PRKG1: variants seen among roughly 807,000 people sequenced by gnomAD.
PRKG1 encodes cGMP-dependent protein kinase 1.
PRKG1 carries 35 observed loss-of-function variants against 88.1 expected under a neutral mutation model. That is an observed-to-expected ratio of 0.40 (90% CI 0.30 to 0.53). The LOEUF (loss-of-function observed/expected upper bound fraction) is 0.53. PRKG1 is among the 20% of genes least tolerant of loss of function. The pLI, the probability that PRKG1 is intolerant of heterozygous loss-of-function variation, is 0.59. For synonymous variants in PRKG1, 303 were observed against 292.5 expected, an observed-to-expected ratio of 1.04 and a Z score of -0.37; for missense variants, 540 against 839.8, an observed-to-expected ratio of 0.64 and a Z score of 4.41.
chr10:52,260,223 G>T (rs2132414365), intron 10 of PRKG1, among the ~76,000 whole-genome samples: 1 of 152,150 alleles, frequency 6.6e-6, no homozygotes, highest in African/African-American at 2.4e-5. Flanking sequence ...TGGATGAATT[G>T]TATCGTTAGC....
chr10:51,275,300 C>T (rs765015062), intron 2 of PRKG1, among the ~76,000 whole-genome samples: 2 of 152,238 alleles, frequency 1.3e-5, no homozygotes, highest in Non-Finnish European at 1.5e-5. Context: ...AAGATAAAAG[C>T]CAGAATGTGA....
chr10:51,455,142 C>T (rs1340506419), intron 2 of PRKG1, among the ~76,000 whole-genome samples: 1 of 152,250 alleles, frequency 6.6e-6, no homozygotes, highest in Non-Finnish European at 1.5e-5. Flanking sequence ...AGGCTTGGGG[C>T]TTGCACCCTC....
At chr10:51,943,468 T>A (rs1842954922) in intron 5 of PRKG1, among the ~76,000 whole-genome samples, 1 of 152,068 alleles carries the variant, frequency 6.6e-6, no homozygotes, top group African/African-American at 2.4e-5. Flanking sequence ...CTAATTGCCC[T>A]GGCCAGAACT....
At chr10:51,195,855 T>C (rs1018410066) in intron 2 of PRKG1, among the ~76,000 whole-genome samples, 4 of 152,324 alleles carry the variant, frequency 2.6e-5, no homozygotes, top group East Asian at 1.9e-4. Context: ...TAAGTACTTA[T>C]GGCATGCCAG....
chr10:51,680,826 C>T (rs754507181), intron 3 of PRKG1, among the ~76,000 whole-genome samples: 11 of 152,146 alleles, frequency 7.2e-5, no homozygotes, highest in East Asian at 1.9e-4. Flanking sequence ...GAGCAGGATC[C>T]GTTCTGGTTT....
At chr10:51,048,508 C>T (rs1843518994) in intron 1 of PRKG1, among the ~76,000 whole-genome samples, 1 of 152,120 alleles carries the variant, frequency 6.6e-6, no homozygotes, top group African/African-American at 2.4e-5. Flanking sequence ...TCTCAAGAGT[C>T]TGCAAAAAAT....
chr10:51,248,211 C>T (rs1170061002), intron 2 of PRKG1, among the ~76,000 whole-genome samples: 4 of 151,808 alleles, frequency 2.6e-5, no homozygotes, highest in South Asian at 2.1e-4. Flanking sequence ...ATAGGGCACA[C>T]TCAATACATA....
chr10:52,283,506 TACA>T (rs1485455047), intron 14 of PRKG1, among the ~76,000 whole-genome samples: 3 of 152,132 alleles, frequency 2.0e-5, no homozygotes, highest in East Asian at 1.9e-4. Context: ...CTGCTACTAC[TACA>T]ACAACGACAG....
chr10:51,058,470 C>T (rs557522568), intron 1 of PRKG1, among the ~76,000 whole-genome samples: 6 of 152,160 alleles, frequency 3.9e-5, no homozygotes, highest in South Asian at 4.2e-4. Flanking sequence ...ATCCAGTATT[C>T]ATAACCTCCC....
At chr10:51,474,142 G>C (rs1386209990) in intron 3 of PRKG1, among the ~76,000 whole-genome samples, 1 of 151,900 alleles carries the variant, frequency 6.6e-6, no homozygotes, top group Non-Finnish European at 1.5e-5. Context: ...GATGGGTGTT[G>C]TTGTTACCCC....
chr10:51,189,653 T>G (rs1837581992), intron 2 of PRKG1, among the ~76,000 whole-genome samples: 1 of 151,950 alleles, frequency 6.6e-6, no homozygotes. Flanking sequence ...ATTAAACACA[T>G]GGCCCCATTT....
intron 3 of PRKG1, among the ~76,000 whole-genome samples, chr10:51,745,105 G>C (rs1837542959): frequency 6.6e-6 from 1 of 152,012 alleles, no homozygotes; most frequent in Non-Finnish European, 1.5e-5. Context: ...ACATTCTAAA[G>C]ATTAAAAATA....
intron 2 of PRKG1, among the ~76,000 whole-genome samples, chr10:51,446,091 C>CT (rs961553440): frequency 2.8e-4 from 43 of 151,922 alleles, no homozygotes; most frequent in African/African-American, 9.4e-4. Context: ...TATTCTGCAA[C>CT]TTTTTTCTCA....
At chr10:52,251,258 C>A (rs1335300178) in intron 9 of PRKG1, among the ~76,000 whole-genome samples, 4 of 152,124 alleles carry the variant, frequency 2.6e-5, no homozygotes, top group African/African-American at 9.7e-5. Flanking sequence ...AATCCGTGTT[C>A]ACAAGAAGAC....
chr10:51,407,852 A>T (rs999576742), intron 2 of PRKG1, among the ~76,000 whole-genome samples: 1 of 152,156 alleles, frequency 6.6e-6, no homozygotes, highest in African/African-American at 2.4e-5. Flanking sequence ...GACTGATTTC[A>T]TCTTGATAGT....
chr10:51,680,690 G>A (rs1043733933), intron 3 of PRKG1, among the ~76,000 whole-genome samples: 1 of 152,214 alleles, frequency 6.6e-6, no homozygotes, highest in Non-Finnish European at 1.5e-5. Flanking sequence ...TGGTGCTACA[G>A]TACTCTGTAC....
At chr10:51,883,021 A>T (rs1199263332) in intron 4 of PRKG1, among the ~76,000 whole-genome samples, 1 of 152,220 alleles carries the variant, frequency 6.6e-6, no homozygotes, top group Non-Finnish European at 1.5e-5. Context: ...TTGAACTGGT[A>T]GTAAGTAAAG....
At chr10:51,527,841 G>A (rs765552287) in intron 3 of PRKG1, among the ~76,000 whole-genome samples, 37 of 152,182 alleles carry the variant, frequency 2.4e-4, no homozygotes, top group Admixed American at 4.6e-4. Context: ...ACAACTCCCG[G>A]CAAATATCTC....
chr10:51,009,580 G>A (rs1186052440), intron 1 of PRKG1, among the ~76,000 whole-genome samples: 1 of 152,168 alleles, frequency 6.6e-6, no homozygotes, highest in Admixed American at 6.5e-5. Flanking sequence ...TTAAGAGACA[G>A]CATGAGCTAG....
Sources: gnomAD v4.1 joint callset for allele counts (sites outside exome capture counted in the v4.1 genomes callset) on GRCh38, gnomAD v4.1.1 for gene constraint, MANE v1.5 for transcripts, NCBI Gene and HGNC (gene_info 2026-07-23, HGNC 2026-07-21) for gene names.